Variants in BACC1 observed in about 807,000 individuals in gnomAD.
The protein encoded by BACC1 is BPTF associated chromatin complex component 1, also known as BPTF-associated chromatin complex component 1.
the BACC1 span, chr17:7,016,191 A>C: frequency 1.9e-6 from 1 of 517,754 alleles, no homozygotes; most frequent in African/African-American, 1.9e-5. Context: ...GGATATGGTG[A>C]CCCTGAACTA....
the BACC1 span, chr17:7,016,990 G>C: frequency 6.2e-7 from 1 of 1,613,936 alleles, no homozygotes; most frequent in Admixed American, 1.7e-5. Flanking sequence ...AACTCCTCCA[G>C]CTAAGAAACT....
the BACC1 span, chr17:7,015,847 A>T: frequency 3.7e-6 from 6 of 1,613,994 alleles, no homozygotes; most frequent in Non-Finnish European, 5.1e-6. Flanking sequence ...TCTTAATCAC[A>T]TCAGCTGTGT....
the BACC1 span, chr17:7,016,423 T>C: frequency 1.3e-6 from 2 of 1,526,560 alleles, no homozygotes. Flanking sequence ...CCAGAACCCC[T>C]TCCCCTCCCG....
chr17:7,016,391 C>G, the BACC1 span: 3 of 1,347,492 alleles, frequency 2.2e-6, no homozygotes, highest in Admixed American at 2.2e-5. Flanking sequence ...GGGCCCCGAC[C>G]TGGATTCTTA....
chr17:7,016,384 C>A, the BACC1 span: 4 of 1,252,836 alleles, frequency 3.2e-6, no homozygotes, highest in Middle Eastern at 2.0e-4. Flanking sequence ...TGGGTTGGGG[C>A]CCCGACCTGG....
the BACC1 span, chr17:7,015,633 C>T: frequency 2.3e-6 from 3 of 1,311,376 alleles, no homozygotes; most frequent in Non-Finnish European, 3.1e-6. Context: ...CCTCCCCTTA[C>T]GGAGGACCTC....
chr17:7,014,817 A>AGCG, the BACC1 span: 121 of 1,525,064 alleles, frequency 7.9e-5, no homozygotes, highest in Middle Eastern at 5.1e-4. This position sits in a 1 kb window ranked among gnomAD's most constrained non-coding sequence, Gnocchi z 4.5. Flanking sequence ...GCTCGCGTGT[A>AGCG]GCGGCGGCGG....
the BACC1 span, chr17:7,015,418 C>A: frequency 7.3e-7 from 1 of 1,369,464 alleles, no homozygotes; most frequent in Non-Finnish European, 9.4e-7. Flanking sequence ...TCCCAACCAC[C>A]CCAGTTCATG....
the BACC1 span, chr17:7,015,646 T>G: frequency 2.3e-6 from 3 of 1,320,032 alleles, no homozygotes; most frequent in Admixed American, 4.4e-5. Flanking sequence ...AGGACCTCTT[T>G]ATGCATCCGT....
chr17:7,014,867 G>A, the BACC1 span: 5 of 1,539,490 alleles, frequency 3.2e-6, no homozygotes, highest in Non-Finnish European at 4.4e-6. This position sits in a 1 kb window ranked among gnomAD's most constrained non-coding sequence, Gnocchi z 4.5. Context: ...CATGACGTCA[G>A]CGTCCACAAA....
the BACC1 span, chr17:7,015,187 T>C: frequency 2.6e-6 from 4 of 1,542,820 alleles, no homozygotes; most frequent in South Asian, 3.6e-5. Flanking sequence ...ACGTGGACGC[T>C]GAGAGCGGGC....
At chr17:7,015,867 A>G in the BACC1 span, 2 of 1,613,600 alleles carry the variant, frequency 1.2e-6, no homozygotes, top group East Asian at 4.5e-5. Flanking sequence ...TCATCAAGGA[A>G]CGGACAGTGT....
At chr17:7,017,232 C>G in the BACC1 span, 1 of 1,614,084 alleles carries the variant, frequency 6.2e-7, no homozygotes, top group African/African-American at 1.3e-5. Flanking sequence ...CGCTCCATCT[C>G]GGCCCATTTT....
chr17:7,016,316 C>G, the BACC1 span: 2 of 645,872 alleles, frequency 3.1e-6, no homozygotes, highest in African/African-American at 3.6e-5. Context: ...ACTCCACTCT[C>G]CACACTCCAT....
the BACC1 span, chr17:7,014,888 C>A: frequency 6.6e-7 from 1 of 1,525,174 alleles, no homozygotes; most frequent in Non-Finnish European, 8.8e-7. The surrounding 1 kb of genome is among the most constrained non-coding windows in gnomAD (Gnocchi z 4.5). Flanking sequence ...GGTTCGACCT[C>A]CCTCGCGGAC....
the BACC1 span, chr17:7,014,784 T>C: frequency 6.6e-7 from 1 of 1,514,060 alleles, no homozygotes; most frequent in Non-Finnish European, 8.8e-7. The surrounding 1 kb of genome is among the most constrained non-coding windows in gnomAD (Gnocchi z 4.5). Flanking sequence ...AGCCGCTCAG[T>C]CTCCCTGCTC....
chr17:7,016,423 T>G, the BACC1 span: 1 of 1,526,676 alleles, frequency 6.6e-7, no homozygotes, highest in South Asian at 1.2e-5. Flanking sequence ...CCAGAACCCC[T>G]TCCCCTCCCG....
the BACC1 span, chr17:7,015,947 C>T: frequency 7.9e-6 from 10 of 1,266,510 alleles, no homozygotes; most frequent in Non-Finnish European, 1.1e-5. Context: ...TTCCATCGTC[C>T]TCAGAACTCC....
chr17:7,015,092 G>A, the BACC1 span: 2 of 1,570,074 alleles, frequency 1.3e-6, no homozygotes, highest in Non-Finnish European at 1.7e-6. Flanking sequence ...GGCCGGCGCC[G>A]CCTTCACGAA....
Sources: allele counts gnomAD v4.1 joint callset, GRCh38; gene constraint gnomAD v4.1.1; non-coding constraint Gnocchi (gnomAD v3.1); transcripts MANE v1.5; gene names NCBI Gene and HGNC (gene_info 2026-07-23, HGNC 2026-07-21).